The following CYTH1 variants were observed in gnomAD, a reference collection of about 807,000 sequenced individuals.
The protein encoded by CYTH1 is cytohesin-1.
CYTH1 carries 18 observed loss-of-function variants against 61.8 expected under a neutral mutation model. The observed-to-expected ratio is 0.29, with a 90% CI of 0.20 to 0.43. CYTH1 has a LOEUF of 0.43. CYTH1 is among the 20% of genes least tolerant of loss of function. CYTH1 has a pLI of 1.00. For missense variants in CYTH1, 336 were observed against 510.5 expected, an observed-to-expected ratio of 0.66 and a Z score of 3.29; for synonymous variants, 174 against 184.3, an observed-to-expected ratio of 0.94 and a Z score of 0.45.
chr17:78,779,111 G>A (rs759641175), intron 1 of CYTH1, among the ~76,000 whole-genome samples: 42 of 152,090 alleles, frequency 2.8e-4, no homozygotes, highest in Non-Finnish European at 5.4e-4. Context: ...ACTGTAGAAA[G>A]GGGAACAGGC....
intron 11 of CYTH1, among the ~76,000 whole-genome samples, chr17:78,684,766 A>G (rs1399396351): frequency 6.6e-6 from 1 of 152,226 alleles, no homozygotes; most frequent in Non-Finnish European, 1.5e-5. Context: ...AACACATTCT[A>G]TTTTAATTGT....
At chr17:78,734,797 T>G (rs2093312904) in intron 1 of CYTH1, among the ~76,000 whole-genome samples, 1 of 151,962 alleles carries the variant, frequency 6.6e-6, no homozygotes. Flanking sequence ...AGCAGAAGAG[T>G]CTGACTTCCT....
At chr17:78,680,883 CAGTTTTTTGGTTTTG>C in intron 12 of CYTH1, 73 bp downstream of exon 12, 3 of 1,304,604 alleles carry the variant, frequency 2.3e-6, no homozygotes, top group Non-Finnish European at 3.3e-6. Flanking sequence ...TCACGCTTTT[CAGTTTTTTGGTTTTG>C]AGTTTTTTAA....
At chr17:78,772,614 T>C (rs1025223950) in intron 1 of CYTH1, among the ~76,000 whole-genome samples, 1 of 152,032 alleles carries the variant, frequency 6.6e-6, no homozygotes, top group Admixed American at 6.6e-5. Flanking sequence ...CTCGGCTCAC[T>C]GCAACCTCCG....
chr17:78,758,047 A>G (rs1306399739), intron 1 of CYTH1, among the ~76,000 whole-genome samples: 3 of 152,200 alleles, frequency 2.0e-5, no homozygotes, highest in Non-Finnish European at 2.9e-5. Flanking sequence ...GGCAGTACAT[A>G]TCAAGAGACT....
At chr17:78,779,996 G>C (rs2093510249) in intron 1 of CYTH1, among the ~76,000 whole-genome samples, 1 of 152,242 alleles carries the variant, frequency 6.6e-6, no homozygotes, top group African/African-American at 2.4e-5. Context: ...TGTATTAAAA[G>C]CAACCAGACC....
chr17:78,725,482 G>T (rs115623049), intron 1 of CYTH1, among the ~76,000 whole-genome samples: 2,131 of 152,228 alleles, frequency 0.014, 48 homozygotes, highest in African/African-American at 0.049. Flanking sequence ...AGTCCTAAGG[G>T]CTGTCTTATT....
intron 3 of CYTH1, 151 bp from the exon 4 acceptor site, chr17:78,702,755 T>A (rs1201998711): frequency 3.8e-6 from 3 of 786,246 alleles, no homozygotes; most frequent in Non-Finnish European, 6.2e-6. Context: ...AAAGGCCAAC[T>A]GAAACCTGAA....
intron 3 of CYTH1, among the ~76,000 whole-genome samples, chr17:78,705,111 G>T (rs528384663): frequency 1.3e-5 from 2 of 152,264 alleles, no homozygotes; most frequent in African/African-American, 4.8e-5. Context: ...CAGTGTAAGT[G>T]GTGAGGCAGC....
chr17:78,727,453 G>A (rs2093272523), intron 1 of CYTH1, among the ~76,000 whole-genome samples: 1 of 152,214 alleles, frequency 6.6e-6, no homozygotes, highest in Non-Finnish European at 1.5e-5. Flanking sequence ...AGAAGTCCTT[G>A]AAGATCTCTT....
At chr17:78,749,369 A>G (rs1041221121) in intron 1 of CYTH1, among the ~76,000 whole-genome samples, 1 of 152,198 alleles carries the variant, frequency 6.6e-6, no homozygotes, top group Non-Finnish European at 1.5e-5. Flanking sequence ...CTGAGACAGG[A>G]GAATTGCTTG....
At chr17:78,687,275 A>G (rs750197801) in intron 11 of CYTH1, among the ~76,000 whole-genome samples, 6 of 151,732 alleles carry the variant, frequency 4.0e-5, no homozygotes, top group Non-Finnish European at 7.4e-5. Flanking sequence ...TCTACTCTGT[A>G]ATCACTCTTT....
Position 78,771,080 on chromosome 17 carries a change from T to C in CYTH1, c.22+11122A>G, listed in dbSNP as rs138145317. ...GAGTTTGGGACCAGCCTGCCCAACA[T>C]GGCAAAATCCCATCTCTACTAAAAA... On this transcript the variant is annotated intron_variant, in intron 1 of 13. Coordinates refer to ENST00000446868, the MANE Select transcript of CYTH1 (RefSeq NM_004762.6). Among the ~76,000 whole-genome samples, 351 of 151,804 alleles carry C rather than the reference T, an allele frequency of 2.3e-3. 5 individuals carry two copies. The highest frequency in any genetic ancestry group is 8.3e-3 in the African/African-American group (344 of 41,392).
intron 1 of CYTH1, among the ~76,000 whole-genome samples, chr17:78,733,249 C>T (rs2093304199): frequency 6.6e-6 from 1 of 152,196 alleles, no homozygotes; most frequent in South Asian, 2.1e-4. Context: ...TGCTATCTTA[C>T]AGCTTAAAAT....
chr17:78,750,591 G>A (rs957092069), intron 1 of CYTH1, among the ~76,000 whole-genome samples: 4 of 152,060 alleles, frequency 2.6e-5, no homozygotes, highest in Non-Finnish European at 5.9e-5. Context: ...GGTGGATCAC[G>A]AGGTCAGAGT....
intron 1 of CYTH1, among the ~76,000 whole-genome samples, chr17:78,780,302 C>A (rs1426771742): frequency 6.6e-6 from 1 of 151,006 alleles, no homozygotes; most frequent in Non-Finnish European, 1.5e-5. Flanking sequence ...AACTGGAGTT[C>A]ACACCAGCCT....
At position 78,700,834 on chromosome 17, in the gene CYTH1, G is replaced by A. The variant is rs1171243019; in HGVS notation, c.438-391C>T. On this transcript the variant is annotated intron_variant, in intron 6 of 13. Coordinates refer to ENST00000446868, the MANE Select transcript of CYTH1 (RefSeq NM_004762.6). This position sits in a 1 kb window ranked among gnomAD's most constrained non-coding sequence, Gnocchi z 5.1. ...GCCACGGTGCCTGACCACTGCCAAT[G>A]ATTTTTTAACATCAAAGTGCAAAGG... Among the ~76,000 whole-genome samples, 1 of 152,130 alleles carries A rather than the reference G, an allele frequency of 6.6e-6. No homozygotes were observed. Among genetic ancestry groups the A allele is most frequent in the Non-Finnish European group, 1.5e-5 (1 of 68,024 alleles).
intron 1 of CYTH1, among the ~76,000 whole-genome samples, chr17:78,727,179 A>G (rs935471431): frequency 6.6e-6 from 1 of 152,220 alleles, no homozygotes; most frequent in Admixed American, 6.5e-5. Flanking sequence ...TCTGCCCATG[A>G]GGCGTCCCCA....
intron 1 of CYTH1, among the ~76,000 whole-genome samples, chr17:78,716,085 T>C (rs766001140): frequency 2.0e-5 from 3 of 151,984 alleles, no homozygotes; most frequent in Non-Finnish European, 2.9e-5. Context: ...CTACCAAAAA[T>C]GGACAGTGAG....
Sources: allele counts gnomAD v4.1 joint callset (sites outside exome capture counted in the v4.1 genomes callset), GRCh38; gene constraint gnomAD v4.1.1; non-coding constraint Gnocchi (gnomAD v3.1); transcripts MANE v1.5; gene names NCBI Gene and HGNC (gene_info 2026-07-23, HGNC 2026-07-21).